WAC: variants seen among roughly 807,000 people sequenced by gnomAD.
WAC encodes the protein WW domain containing adaptor with coiled-coil.
A neutral mutation model predicts 79.6 loss-of-function variants in WAC; 11 were observed. The observed-to-expected ratio is 0.14, with a 90% CI of 0.09 to 0.23. WAC has a LOEUF of 0.23. WAC is among the 10% of genes least tolerant of loss of function. WAC has a pLI of 1.00. For missense variants in WAC, 728 were observed against 773.5 expected (o/e 0.94, Z 0.70); for synonymous variants, 304 against 276.9 (o/e 1.10, Z -0.97).
chr10:28,609,837 C>T (rs986450558), intron 8 of WAC, among the ~76,000 whole-genome samples: 1 of 152,030 alleles, frequency 6.6e-6, no homozygotes, highest in Non-Finnish European at 1.5e-5. Context: ...TTGCACAACC[C>T]TGTCTCCAAA....
At chr10:28,585,993 GATAAA>G (rs1215121766) in intron 4 of WAC, among the ~76,000 whole-genome samples, 1 of 152,156 alleles carries the variant, frequency 6.6e-6, no homozygotes, top group Non-Finnish European at 1.5e-5. Context: ...TACTAGAATA[GATAAA>G]ATGTTTTGTG....
intron 6 of WAC, among the ~76,000 whole-genome samples, chr10:28,594,546 C>G (rs1267015756): frequency 6.6e-6 from 1 of 152,096 alleles, no homozygotes; most frequent in Non-Finnish European, 1.5e-5. Flanking sequence ...CAGAAGACCT[C>G]GTGCTTTGAT....
rs995643474 is a variant in WAC at position 28,616,176 on chromosome 10, C to A, written c.1560C>A (p.Ser520Arg). 1 of 1,590,260 alleles carries A rather than the reference C, an allele frequency of 6.3e-7. No homozygotes were observed. The highest frequency in any genetic ancestry group is 1.7e-5 in the Admixed American group (1 of 57,184). The change falls in exon 12 of 14, where the codon AGC (serine) becomes AGA (arginine). Residue 520 changes from serine (S) to arginine (R), a missense_variant. Around this residue, in one of 3 missense-constraint regions of WAC, gnomAD observed 648 missense variants for 661.5 expected, o/e 0.98. Coordinates refer to ENST00000354911, the MANE Select transcript of WAC (RefSeq NM_016628.5). ...CACATTCAATTCTGTTTTCTAGTAG[C>A]CAGAGAAGTCCATCACCTGGTCCCA... Reference protein sequence around the residue: ...VSPRSLQRSSSQRSPSPGPNH... With the variant: ...VSPRSLQRSSRQRSPSPGPNH...
At chr10:28,605,662 T>A (rs1770114778) in intron 7 of WAC, among the ~76,000 whole-genome samples, 1 of 152,206 alleles carries the variant, frequency 6.6e-6, no homozygotes, top group Non-Finnish European at 1.5e-5. Context: ...TGTGTATTTT[T>A]TTTATTTTGG....
chr10:28,555,522 T>C (rs1016921226), intron 3 of WAC, among the ~76,000 whole-genome samples: 1 of 152,272 alleles, frequency 6.6e-6, no homozygotes, highest in Middle Eastern at 3.4e-3. Flanking sequence ...GGCTCAACTC[T>C]GAATGCAGCA....
intron 3 of WAC, among the ~76,000 whole-genome samples, chr10:28,579,475 A>G (rs549980566): frequency 6.6e-6 from 1 of 152,244 alleles, no homozygotes; most frequent in Admixed American, 6.5e-5. Context: ...CTCTTACTGG[A>G]TAGGTTCAGA....
At position 28,589,771 on chromosome 10, in the gene WAC, T is replaced by C; in HGVS notation, c.417T>C (p.Ile139=). 1.2e-6 allele frequency: 2 copies of C among 1,613,852 alleles called. No homozygotes were observed. Among genetic ancestry groups the C allele is most frequent in the East Asian group, 2.2e-5 (1 of 44,820 alleles). Reference sequence around the variant, plus strand: ...CTGCAGATGACTGGTCTGAGCATATTAGCTCTTCTGGGAAAAAGTACTACT... The same window carrying C: ...CTGCAGATGACTGGTCTGAGCATATCAGCTCTTCTGGGAAAAAGTACTACT... The part of the protein sequence containing the change: ...YDSADDWSEH[I]SSSGKKYYYN... Residue 139 remains isoleucine (I), a synonymous_variant, in exon 5 of 14, where the codon ATT becomes ATC. Transcript: ENST00000354911.
At chr10:28,600,518 A>G (rs1272115543) in intron 7 of WAC, among the ~76,000 whole-genome samples, 2 of 152,308 alleles carry the variant, frequency 1.3e-5, no homozygotes, top group East Asian at 3.9e-4. Context: ...AAGATTGGCC[A>G]TAGTTATTCA....
At chr10:28,600,577 T>C (rs1564411396) in intron 7 of WAC, among the ~76,000 whole-genome samples, 1 of 152,150 alleles carries the variant, frequency 6.6e-6, no homozygotes, top group Non-Finnish European at 1.5e-5. Flanking sequence ...TTAGTCTTAG[T>C]CATTAAATTT....
intron 7 of WAC, among the ~76,000 whole-genome samples, chr10:28,605,317 A>C (rs1315792201): frequency 6.6e-6 from 1 of 152,234 alleles, no homozygotes; most frequent in East Asian, 1.9e-4. Flanking sequence ...TAGAACTTCT[A>C]CAAGTTGTTA....
chr10:28,548,565 A>G (rs577350970), intron 3 of WAC, among the ~76,000 whole-genome samples: 1 of 152,012 alleles, frequency 6.6e-6, no homozygotes, highest in South Asian at 2.1e-4. Context: ...CTTTTTTCAT[A>G]GCTTTTTGTG....
At chr10:28,534,290 C>T (rs992357110) in intron 2 of WAC, 5 of 417,084 alleles carry the variant, frequency 1.2e-5, no homozygotes, top group Admixed American at 4.3e-5. Context: ...GCCAGAAAGA[C>T]CTGACTCGAT....
At chr10:28,546,134 T>C (rs1837336820) in intron 3 of WAC, among the ~76,000 whole-genome samples, 4 of 152,230 alleles carry the variant, frequency 2.6e-5, no homozygotes, top group Non-Finnish European at 5.9e-5. Context: ...CTTCTGACTT[T>C]GTATGACAGT....
At chr10:28,546,046 T>C (rs914798950) in intron 3 of WAC, among the ~76,000 whole-genome samples, 2 of 152,242 alleles carry the variant, frequency 1.3e-5, no homozygotes, top group African/African-American at 4.8e-5. Flanking sequence ...TAGGAGTATT[T>C]GCATTTTAAA....
intron 3 of WAC, among the ~76,000 whole-genome samples, chr10:28,540,830 G>A (rs1044661116): frequency 1.3e-5 from 2 of 151,782 alleles, no homozygotes; most frequent in Admixed American, 1.3e-4. Flanking sequence ...CAAGAGAAGT[G>A]GAATAAGATT....
chr10:28,565,420 T>C (rs1224467690), intron 3 of WAC, among the ~76,000 whole-genome samples: 3 of 152,188 alleles, frequency 2.0e-5, no homozygotes, highest in Non-Finnish European at 4.4e-5. Context: ...TCACCCAGGC[T>C]GGAGTGCAGT....
intron 2 of WAC, 61 bp downstream of exon 2, chr10:28,534,095 C>G: frequency 6.7e-7 from 1 of 1,497,522 alleles, no homozygotes; most frequent in South Asian, 1.3e-5. Flanking sequence ...GGAGGGACTG[C>G]TACTCGAGCG....
intron 10 of WAC, among the ~76,000 whole-genome samples, chr10:28,613,590 A>G (rs970935525): frequency 6.6e-6 from 1 of 152,212 alleles, no homozygotes; most frequent in Non-Finnish European, 1.5e-5. Flanking sequence ...ATAATTGAAC[A>G]TTTGAGCTTT....
At chr10:28,555,762 G>A (rs75859666) in intron 3 of WAC, among the ~76,000 whole-genome samples, 2,434 of 152,200 alleles carry the variant, frequency 0.016, 65 homozygotes, top group African/African-American at 0.056. Context: ...CCAGTGTAGG[G>A]CCCCCATGAT....
Sources: gnomAD v4.1 joint callset for allele counts (sites outside exome capture counted in the v4.1 genomes callset) on GRCh38, gnomAD v4.1.1 for gene constraint, gnomAD v4.1.1 regional missense constraint, MANE v1.5 for transcripts, NCBI Gene and HGNC (gene_info 2026-07-23, HGNC 2026-07-21) for gene names.